The following RPS6KA2 variants were observed in gnomAD, a reference collection of about 807,000 sequenced individuals.
RPS6KA2 encodes the protein ribosomal protein S6 kinase alpha-2.
RPS6KA2 carries 42 observed loss-of-function variants against 91.8 expected under a neutral mutation model. The ratio of observed to expected loss-of-function variants is 0.46; its 90% CI spans 0.36 to 0.59. The LOEUF is 0.59. Ranked by LOEUF, RPS6KA2 falls within the 20% of genes least tolerant of loss-of-function variation. RPS6KA2 has a pLI of 0.00. For missense variants in RPS6KA2, 798 were observed against 978.5 expected, an observed-to-expected ratio of 0.82 and a Z score of 2.46; for synonymous variants, 414 against 393.6, an observed-to-expected ratio of 1.05 and a Z score of -0.61.
intron 9 of RPS6KA2, among the ~76,000 whole-genome samples, chr6:166,489,199 TTAA>T (rs1275011652): frequency 6.6e-6 from 1 of 151,826 alleles, no homozygotes; most frequent in Non-Finnish European, 1.5e-5. Flanking sequence ...TAAATTTTTA[TTAA>T]TAAACATTAT....
At chr6:166,762,503 G>GA (rs1274844088) in intron 2 of RPS6KA2, among the ~76,000 whole-genome samples, 2 of 152,194 alleles carry the variant, frequency 1.3e-5, no homozygotes, top group Non-Finnish European at 2.9e-5. Flanking sequence ...GTTCTTAAGT[G>GA]AAAGTATCTT....
intron 3 of RPS6KA2, among the ~76,000 whole-genome samples, chr6:166,524,607 A>T (rs958707201): frequency 6.6e-6 from 1 of 152,230 alleles, no homozygotes; most frequent in African/African-American, 2.4e-5. Context: ...CTCAACCAGG[A>T]AAGTCCTAAC....
chr6:166,444,368 G>A (rs982412335), intron 14 of RPS6KA2, among the ~76,000 whole-genome samples: 6 of 152,080 alleles, frequency 3.9e-5, no homozygotes, highest in Non-Finnish European at 7.4e-5. Flanking sequence ...CAACTTCATC[G>A]CCCACCACTA....
chr6:166,423,172 C>T lies in RPS6KA2; in HGVS notation c.1743+84G>A. 1 of 1,425,322 alleles carries T rather than the reference C, an allele frequency of 7.0e-7. No homozygotes were observed. The highest frequency in any genetic ancestry group is 9.5e-7 in the Non-Finnish European group (1 of 1,053,866). The allele number at this position is 1,425,322 out of a possible 1,614,324, so 88.3% of individuals were successfully genotyped here. On this transcript the variant is annotated intron_variant, in intron 17 of 20. Coordinates refer to ENST00000265678, the MANE Select transcript of RPS6KA2 (RefSeq NM_021135.6). This position sits in a 1 kb window ranked among gnomAD's most constrained non-coding sequence, Gnocchi z 4.8. Reference sequence around the variant, plus strand: ...GCTCAAGCCGCCTCTGACATCCCCGCTGTCCGGTGGCTCTGCAGTGGGAGG... The same window carrying T: ...GCTCAAGCCGCCTCTGACATCCCCGTTGTCCGGTGGCTCTGCAGTGGGAGG...
At chr6:166,728,025 T>A (rs1467793525) in intron 2 of RPS6KA2, among the ~76,000 whole-genome samples, 1 of 152,256 alleles carries the variant, frequency 6.6e-6, no homozygotes, top group Non-Finnish European at 1.5e-5. Flanking sequence ...CAATATGGTA[T>A]AGCAACTATT....
At chr6:166,480,901 C>T (rs922983229) in intron 10 of RPS6KA2, among the ~76,000 whole-genome samples, 3 of 152,088 alleles carry the variant, frequency 2.0e-5, no homozygotes, top group Admixed American at 6.5e-5. Context: ...CCACACGCCT[C>T]GGCTGGGATT....
chr6:166,741,401 T>C (rs1281780262), intron 2 of RPS6KA2, among the ~76,000 whole-genome samples: 1 of 152,246 alleles, frequency 6.6e-6, no homozygotes, highest in Non-Finnish European at 1.5e-5. Context: ...GGGACTCAAA[T>C]GTTATATCTA....
At chr6:166,672,758 T>A (rs1359214833) in intron 2 of RPS6KA2, among the ~76,000 whole-genome samples, 1 of 152,234 alleles carries the variant, frequency 6.6e-6, no homozygotes, top group African/African-American at 2.4e-5. Context: ...CCATCCCCTG[T>A]GTCCCAGGGA....
At chr6:166,715,050 C>T (rs550879057) in intron 2 of RPS6KA2, among the ~76,000 whole-genome samples, 2 of 152,342 alleles carry the variant, frequency 1.3e-5, no homozygotes, top group East Asian at 1.9e-4. Context: ...AAGCAGGGGG[C>T]TGAGGAGCAA....
Position 166,627,247 on chromosome 6 carries a change from C to T in RPS6KA2, c.-228G>A, listed in dbSNP as rs1401144618. ...TCCGCCTCCTTCTCCGCCTCCCCTG[C>T]GAGTACCAGCGCCGGCCACGCGCCA... is the stretch of plus-strand genomic sequence containing the variant. On this transcript the variant is annotated 5_prime_UTR_variant, in exon 1 of 21. Coordinates refer to ENST00000265678, the MANE Select transcript of RPS6KA2 (RefSeq NM_021135.6). 3.9e-5 allele frequency: 40 copies of T among 1,014,888 alleles called. No homozygotes were observed. The highest frequency in any genetic ancestry group is 4.7e-5 in the Non-Finnish European group (40 of 849,794). The allele number at this position is 1,014,888 out of a possible 1,614,324, so 62.9% of individuals were successfully genotyped here.
chr6:166,468,856 T>TCCATCTCAA (rs567161437), intron 11 of RPS6KA2, among the ~76,000 whole-genome samples: 1 of 112,182 alleles, frequency 8.9e-6, no homozygotes, highest in African/African-American at 3.9e-5. Context: ...AGAGCGAGAC[T>TCCATCTCAA]AAAAAAAAAA....
intron 2 of RPS6KA2, among the ~76,000 whole-genome samples, chr6:166,690,239 C>T (rs1789164328): frequency 6.6e-6 from 1 of 152,190 alleles, no homozygotes; most frequent in Non-Finnish European, 1.5e-5. Flanking sequence ...CATAAATCCA[C>T]TGCTCTGGGA....
At chr6:166,569,328 G>A (rs183274731) in intron 1 of RPS6KA2, among the ~76,000 whole-genome samples, 83 of 152,320 alleles carry the variant, frequency 5.4e-4, no homozygotes, top group African/African-American at 1.9e-3. Context: ...AGGGCTGGGC[G>A]TCACGTGAGG....
In RPS6KA2 at chr6:166,432,503, C is replaced by T. The variant is rs1420797889; in HGVS notation, c.1333-13G>A. 3.9e-6 allele frequency: 6 copies of T among 1,545,952 alleles called. No individual in the cohort carries two copies. The African/African-American group carries it at 5.4e-5, about 14-fold the overall frequency. On this transcript the variant is annotated splice_polypyrimidine_tract_variant and intron_variant, in intron 14 of 20. Transcript: ENST00000265678. Reference sequence around the variant, plus strand: ...TCTTATCAATGATCTGGAACAAACACAGCACATGGCAGTGAGGGGTCTACT... The same window carrying T: ...TCTTATCAATGATCTGGAACAAACATAGCACATGGCAGTGAGGGGTCTACT...
chr6:166,740,618 A>G (rs1240655569), intron 2 of RPS6KA2, among the ~76,000 whole-genome samples: 1 of 152,250 alleles, frequency 6.6e-6, no homozygotes, highest in Non-Finnish European at 1.5e-5. Context: ...TCTTCTTACA[A>G]AAGAACTCAC....
intron 3 of RPS6KA2, among the ~76,000 whole-genome samples, chr6:166,525,381 A>C (rs1327650519): frequency 6.6e-6 from 1 of 152,202 alleles, no homozygotes; most frequent in Non-Finnish European, 1.5e-5. Flanking sequence ...CCGCCGGGTC[A>C]GAGGGAGAGG....
chr6:166,826,624 C>T (rs1228870937), intron 2 of RPS6KA2, among the ~76,000 whole-genome samples: 1 of 152,172 alleles, frequency 6.6e-6, no homozygotes, highest in Non-Finnish European at 1.5e-5. Context: ...AAATTGTCCC[C>T]TGAATTAAGC....
In RPS6KA2 at chr6:166,500,998, G is replaced by A. The variant is rs185373565; in HGVS notation, c.567-74C>T. The A allele has an allele frequency of 4.2e-6, 6 of 1,423,450 alleles. No individual in the cohort carries two copies. In the East Asian group the frequency reaches 1.4e-4, roughly 33 times the overall value. 88.2% of individuals were successfully genotyped at this position (1,423,450 alleles called of 1,614,324 possible). On this transcript the variant is annotated intron_variant, in intron 6 of 20. Transcript: ENST00000265678. This position sits in a 1 kb window ranked among gnomAD's most constrained non-coding sequence, Gnocchi z 4.3. ...GCCGACGGGCACGCAGAGCTCAGAG[G>A]AGAGCTGCGGGGCAGCTGGGGGCGG...
rs192581740 is a variant in RPS6KA2, at chr6:166,437,660, G to A, written c.1333-5170C>T. ...TTCCTTAGAGATGCTGAGTCTAGGG[G>A]TCTGAATATCCACGAAGCAATTCTG... On this transcript the variant is annotated intron_variant, in intron 14 of 20. Coordinates refer to ENST00000265678, the MANE Select transcript of RPS6KA2 (RefSeq NM_021135.6). The surrounding 1 kb of genome is among the most constrained non-coding windows in gnomAD (Gnocchi z 4.3). 7.2e-5 allele frequency among the ~76,000 whole-genome samples: 11 copies of A among 152,306 alleles called. No homozygotes were observed. Among genetic ancestry groups the A allele is most frequent in the African/African-American group, 2.6e-4 (11 of 41,588 alleles).
Sources: allele counts gnomAD v4.1 joint callset (sites outside exome capture counted in the v4.1 genomes callset), GRCh38; gene constraint gnomAD v4.1.1; non-coding constraint Gnocchi (gnomAD v3.1); transcripts MANE v1.5; gene names NCBI Gene and HGNC (gene_info 2026-07-23, HGNC 2026-07-21).